Variants in AKR1C4 observed in about 807,000 individuals in gnomAD.
The protein encoded by AKR1C4 is 3-alpha-HSD1.
In AKR1C4, 44 loss-of-function variants were observed where a neutral mutation model predicts 41.0. The ratio of observed to expected loss-of-function variants is 1.07; its 90% CI spans 0.84 to 1.38. AKR1C4 has a LOEUF of 1.38. Ranked by LOEUF, AKR1C4 falls within the 40% of genes most tolerant of loss-of-function variation. AKR1C4 has a pLI of 0.00. For synonymous variants in AKR1C4, 165 were observed against 137.7 expected (o/e 1.20, Z -1.39); for missense variants, 438 against 387.9 (o/e 1.13, Z -1.09).
At chr10:5,202,100 C>T (rs1259819717) in intron 2 of AKR1C4, among the ~76,000 whole-genome samples, 1 of 151,894 alleles carries the variant, frequency 6.6e-6, no homozygotes, top group Admixed American at 6.6e-5. Context: ...TTTTGTGGTT[C>T]CATATGAATT....
intron 6 of AKR1C4, 60 bp downstream of exon 6, chr10:5,212,785 A>G (rs1832598147): frequency 1.3e-6 from 2 of 1,544,372 alleles, no homozygotes; most frequent in Non-Finnish European, 1.8e-6. Flanking sequence ...TTTTAGTTAT[A>G]GCATACTCAG....
At chr10:5,207,752 T>G (rs1404244138) in intron 5 of AKR1C4, 2 of 433,768 alleles carry the variant, frequency 4.6e-6, no homozygotes, top group African/African-American at 4.2e-5. Flanking sequence ...AAGATGAATA[T>G]GATACCTTTT....
chr10:5,198,161 C>T (rs943732495), intron 1 of AKR1C4, among the ~76,000 whole-genome samples: 9 of 152,122 alleles, frequency 5.9e-5, no homozygotes, highest in African/African-American at 1.2e-4. Flanking sequence ...AGGGATAAAG[C>T]GTACCTTACT....
intron 5 of AKR1C4, among the ~76,000 whole-genome samples, chr10:5,209,411 A>T (rs945994623): frequency 3.3e-5 from 5 of 152,236 alleles, no homozygotes; most frequent in East Asian, 1.9e-4. Context: ...TTATAAAAAA[A>T]TTTTTTTCAC....
chr10:5,205,974 G>A (rs1236641380), intron 4 of AKR1C4, 140 bp downstream of exon 4: 5 of 991,636 alleles, frequency 5.0e-6, no homozygotes, highest in Non-Finnish European at 7.4e-6. Flanking sequence ...TTGCTGAGTG[G>A]TAGGGAAGAA....
chr10:5,209,057 A>C (rs1044204641), intron 5 of AKR1C4, among the ~76,000 whole-genome samples: 1 of 152,194 alleles, frequency 6.6e-6, no homozygotes, highest in Middle Eastern at 3.2e-3. Flanking sequence ...TTGGTGAGAA[A>C]CTGCCTCTAC....
chr10:5,204,766 C>A, intron 3 of AKR1C4: 2 of 498,250 alleles, frequency 4.0e-6, no homozygotes. Flanking sequence ...AATTAGGGTT[C>A]CTGAGTCCAT....
At chr10:5,205,958 G>C (rs1253525970) in intron 4 of AKR1C4, 124 bp downstream of exon 4, 2 of 1,108,152 alleles carry the variant, frequency 1.8e-6, no homozygotes, top group Admixed American at 2.6e-5. Flanking sequence ...CTTGACAAAG[G>C]AAGTTTTGCT....
intron 2 of AKR1C4, chr10:5,202,526 G>A (rs1367716883): frequency 2.2e-6 from 1 of 454,024 alleles, no homozygotes; most frequent in Non-Finnish European, 4.4e-6. Flanking sequence ...CTCTGGCTAG[G>A]ACTTCCAGTA....
Position 5,218,862 on chromosome 10 carries a change from A to C in AKR1C4, c.*102A>C. ...GACTGGACACACAGCCTCTGGTTAA[A>C]TCCCTCCCCTCCTGCTTGGCAACTT... is the stretch of plus-strand genomic sequence containing the variant. On this transcript the variant is annotated 3_prime_UTR_variant, in exon 9 of 9. Transcript: ENST00000263126. 1 of 1,125,566 alleles carries C rather than the reference A, an allele frequency of 8.9e-7. No homozygotes were observed. The allele number at this position is 1,125,566 out of a possible 1,614,324, so 69.7% of individuals were successfully genotyped here.
intron 2 of AKR1C4, among the ~76,000 whole-genome samples, chr10:5,201,354 T>G (rs1406000970): frequency 6.6e-6 from 1 of 152,194 alleles, no homozygotes; most frequent in Non-Finnish European, 1.5e-5. Flanking sequence ...CCCTGATTAT[T>G]AGTTATGTTG....
rs542411824 is a variant in AKR1C4 at position 5,208,571 on chromosome 10, T to C, written c.570+2174T>C. Among the ~76,000 whole-genome samples the C allele has an allele frequency of 9.4e-4, 143 of 151,674 alleles. 1 individual carries two copies. The highest frequency in any genetic ancestry group is 2.7e-3 in the South Asian group (13 of 4,824). ...TAGTATTTGTTGAATCTCTTCAAAA[T>C]ATATTCCAATGATCACAATTCACCT... is the stretch of plus-strand genomic sequence containing the variant. On this transcript the variant is annotated intron_variant, in intron 5 of 8. Coordinates refer to ENST00000263126, the MANE Select transcript of AKR1C4 (RefSeq NM_001818.5).
chr10:5,211,795 G>A (rs1195967286), intron 5 of AKR1C4, among the ~76,000 whole-genome samples: 3 of 152,154 alleles, frequency 2.0e-5, no homozygotes, highest in African/African-American at 7.2e-5. Context: ...GGGAAAAAGG[G>A]GAGTTTAATG....
At chr10:5,206,214 G>T in intron 4 of AKR1C4, 61 bp from the exon 5 acceptor site, 1 of 1,610,810 alleles carries the variant, frequency 6.2e-7, no homozygotes, top group Non-Finnish European at 8.5e-7. Flanking sequence ...GTTCTGTCTT[G>T]CATTTATCAT....
intron 1 of AKR1C4, among the ~76,000 whole-genome samples, chr10:5,199,109 A>G (rs1353981818): frequency 1.3e-5 from 2 of 152,202 alleles, no homozygotes; most frequent in African/African-American, 4.8e-5. Flanking sequence ...ACTCCATGCT[A>G]GTGATTAACC....
intron 1 of AKR1C4, among the ~76,000 whole-genome samples, chr10:5,197,893 T>G (rs2132121451): frequency 6.6e-6 from 1 of 152,286 alleles, no homozygotes; most frequent in East Asian, 1.9e-4. Context: ...TGGTAAACCT[T>G]GAGTGCCTGC....
At chr10:5,203,868 T>C (rs1275364626) in intron 2 of AKR1C4, among the ~76,000 whole-genome samples, 22 of 152,188 alleles carry the variant, frequency 1.4e-4, no homozygotes, top group African/African-American at 5.3e-4. Flanking sequence ...GATGACTTTC[T>C]TCAATATCTT....
chr10:5,202,437 T>C, intron 2 of AKR1C4: 1 of 455,318 alleles, frequency 2.2e-6, no homozygotes, highest in South Asian at 1.6e-5. Context: ...TATATGATCA[T>C]ATTACTGGCA....
intron 8 of AKR1C4, among the ~76,000 whole-genome samples, 186 bp downstream of exon 8, chr10:5,216,979 C>T (rs1832666121): frequency 2.0e-5 from 3 of 152,146 alleles, no homozygotes. Flanking sequence ...GTGAGTGGAC[C>T]CAGGGTCAGC....
Sources: allele counts gnomAD v4.1 joint callset (sites outside exome capture counted in the v4.1 genomes callset), GRCh38; gene constraint gnomAD v4.1.1; transcripts MANE v1.5; gene names NCBI Gene and HGNC (gene_info 2026-07-23, HGNC 2026-07-21).